The following PTPRZ1 variants were observed in gnomAD, a reference collection of about 807,000 sequenced individuals.
The protein encoded by PTPRZ1 is receptor-type tyrosine-protein phosphatase zeta.
In PTPRZ1, 82 loss-of-function variants were observed where a neutral mutation model predicts 214.1. That is an observed-to-expected ratio of 0.38 (90% CI 0.32 to 0.46). The LOEUF (loss-of-function observed/expected upper bound fraction) is 0.46. PTPRZ1 is among the 20% of genes least tolerant of loss of function. The pLI is 1.00. For missense variants in PTPRZ1, 2,603 were observed against 2,748.7 expected, an observed-to-expected ratio of 0.95 and a Z score of 1.19; for synonymous variants, 945 against 987.9, an observed-to-expected ratio of 0.96 and a Z score of 0.81.
At chr7:121,914,626 T>A (rs1055800113) in intron 1 of PTPRZ1, among the ~76,000 whole-genome samples, 9 of 152,176 alleles carry the variant, frequency 5.9e-5, no homozygotes, top group African/African-American at 1.9e-4. Flanking sequence ...AAATCATAAA[T>A]CATCTATTAA....
At chr7:122,004,321 G>A (rs538711579) in intron 10 of PTPRZ1, among the ~76,000 whole-genome samples, 10 of 152,054 alleles carry the variant, frequency 6.6e-5, no homozygotes, top group African/African-American at 2.2e-4. Context: ...CCTCCTCTCC[G>A]TTCTTAGCTT....
intron 1 of PTPRZ1, among the ~76,000 whole-genome samples, chr7:121,880,783 G>T (rs1269424308): frequency 6.6e-6 from 1 of 151,938 alleles, no homozygotes; most frequent in African/African-American, 2.4e-5. Flanking sequence ...TTACCCACTT[G>T]CATTCTGACA....
At chr7:122,002,563 A>G (rs1798363167) in intron 10 of PTPRZ1, among the ~76,000 whole-genome samples, 1 of 152,220 alleles carries the variant, frequency 6.6e-6, no homozygotes, top group African/African-American at 2.4e-5. Flanking sequence ...GTAAAATGAT[A>G]AAAATAAGTC....
chr7:122,044,057 G>A (rs1430245852), intron 22 of PTPRZ1, among the ~76,000 whole-genome samples: 1 of 152,178 alleles, frequency 6.6e-6, no homozygotes, highest in Non-Finnish European at 1.5e-5. Context: ...TTGCCAGAAG[G>A]GGTAGGCCCA....
At position 121,979,750 on chromosome 7, in the gene PTPRZ1, G is replaced by A. The variant is rs564634872; in HGVS notation, c.619+2899G>A. 5.3e-5 allele frequency among the ~76,000 whole-genome samples: 8 copies of A among 152,304 alleles called. No individual in the cohort carries two copies. The East Asian group carries it at 1.5e-3, about 29-fold the overall frequency. ...CCCCAAATAGAGCAGCACTGGCTCT[G>A]CTGTGCTTCTCTCTTGTGTTAACAA... On this transcript the variant is annotated intron_variant, in intron 6 of 29. Coordinates refer to ENST00000393386, the MANE Select transcript of PTPRZ1 (RefSeq NM_002851.3).
intron 6 of PTPRZ1, among the ~76,000 whole-genome samples, chr7:121,981,140 C>CAA (rs34208259): frequency 0.015 from 1,963 of 129,782 alleles, 20 homozygotes; most frequent in Middle Eastern, 0.044. Flanking sequence ...GACTCCGTCT[C>CAA]AAAAAAAAAA....
rs201059235 is a variant in PTPRZ1, at chr7:122,012,462, C to G, written c.3416C>G (p.Ser1139Trp). 1.2e-6 allele frequency: 2 copies of G among 1,613,398 alleles called. No individual in the cohort carries two copies. Among genetic ancestry groups the G allele is most frequent in the African/African-American group, 1.3e-5 (1 of 74,892 alleles). Residue 1139 changes from serine (S) to tryptophan (W), a missense_variant, in exon 12 of 30, where the codon TCG (serine) becomes TGG (tryptophan). Physicochemically the swap from Ser to Trp is radical, Grantham distance 177. Transcript: ENST00000393386. ...GTCTCTCAAGCATCTGGTGACACTTCGCTTAAACCTGTGCTTAGTGCAAAC... is the reference window on the plus strand; with the variant it reads ...GTCTCTCAAGCATCTGGTGACACTTGGCTTAAACCTGTGCTTAGTGCAAAC... ...HTVSQASGDT[S>W]LKPVLSANSE...
rs373952842 is a variant in PTPRZ1, at chr7:121,998,943, C to T, written c.1240+937C>T. ...CCTATGGCAGGAAAACTGATGTGCA[C>T]GGTTTGCATTGTTGTCTAAATGCTG... On this transcript the variant is annotated intron_variant, in intron 10 of 29. Coordinates refer to ENST00000393386, the MANE Select transcript of PTPRZ1 (RefSeq NM_002851.3). Among the ~76,000 whole-genome samples, 8 of 152,180 alleles carry T rather than the reference C, an allele frequency of 5.3e-5. No individual in the cohort carries two copies. The East Asian group carries it at 5.8e-4, about 11-fold the overall frequency.
chr7:122,000,195 A>C (rs1798275327), intron 10 of PTPRZ1, among the ~76,000 whole-genome samples: 1 of 152,184 alleles, frequency 6.6e-6, no homozygotes, highest in South Asian at 2.1e-4. Context: ...TTTATAAAGA[A>C]AAGATTGGTT....
rs535163910 is a variant in PTPRZ1, at chr7:121,976,328, G to A, written c.552+60G>A. ...TTTTTAAGTCACATTAAATATTGAC[G>A]TGAAATATCAAGACATAGTTTCTAA... On this transcript the variant is annotated intron_variant, in intron 5 of 29. Coordinates refer to ENST00000393386, the MANE Select transcript of PTPRZ1 (RefSeq NM_002851.3). 94 of 1,041,910 alleles carry A rather than the reference G, an allele frequency of 9.0e-5. No individual in the cohort carries two copies. In the African/African-American group the frequency reaches 1.1e-3, roughly 12 times the overall value. The allele number at this position is 1,041,910 out of a possible 1,614,324, so 64.5% of individuals were successfully genotyped here. A position where few individuals can be genotyped will look rare whatever the true frequency, so the allele number is the denominator to read the frequency against.
chr7:122,059,756 T>C lies in PTPRZ1; in HGVS notation c.6675T>C (p.His2225=), dbSNP rs2150497284. The part of the protein sequence containing the change: ...RDGPMIVHDE[H]GGVTAGTFCA... ...TTTTCTTTTTTTTTTTTACAAGGCA[T>C]GGAGGAGTGACGGCAGGAACTTTCT... Residue 2225 remains histidine, a synonymous_variant, in exon 29 of 30, where the codon CAT becomes CAC. Transcript: ENST00000393386. 6.2e-7 allele frequency: 1 copy of C among 1,608,270 alleles called. No homozygotes were observed. Among genetic ancestry groups the C allele is most frequent in the Non-Finnish European group, 8.5e-7 (1 of 1,178,096 alleles).
chr7:122,060,028 C>T, intron 29 of PTPRZ1, 140 bp downstream of exon 29: 1 of 828,512 alleles, frequency 1.2e-6, no homozygotes. Flanking sequence ...AATTACAAGT[C>T]CACAATCCAT....
chr7:121,883,693 C>T lies in PTPRZ1; in HGVS notation c.58+10136C>T, dbSNP rs915728574. 4.6e-5 allele frequency among the ~76,000 whole-genome samples: 7 copies of T among 152,312 alleles called. No individual in the cohort carries two copies. In the East Asian group the frequency reaches 1.4e-3, roughly 29 times the overall value. Reference sequence around the variant, plus strand: ...CCAGGCTGGAGTGCAATGGTGCGATCTTGGCTCACTGCAACCTCCACCTCC... The same window carrying T: ...CCAGGCTGGAGTGCAATGGTGCGATTTTGGCTCACTGCAACCTCCACCTCC... On this transcript the variant is annotated intron_variant, in intron 1 of 29. Coordinates refer to ENST00000393386, the MANE Select transcript of PTPRZ1 (RefSeq NM_002851.3).
At chr7:122,060,762 G>C (rs1317705118) in intron 29 of PTPRZ1, among the ~76,000 whole-genome samples, 1 of 152,182 alleles carries the variant, frequency 6.6e-6, no homozygotes. Context: ...CAGATGTCCA[G>C]TGCCAAACGG....
At chr7:122,034,241 A>C (rs753902583) in intron 16 of PTPRZ1, 41 bp from the exon 17 acceptor site, 1 of 1,589,140 alleles carries the variant, frequency 6.3e-7, no homozygotes, top group Non-Finnish European at 8.6e-7. Flanking sequence ...CGTTGTTTGA[A>C]AGAATGTGTG....
chr7:121,941,890 C>T (rs115365547), intron 2 of PTPRZ1, among the ~76,000 whole-genome samples: 1,856 of 152,164 alleles, frequency 0.012, 33 homozygotes, highest in African/African-American at 0.04. Context: ...CTTAGGAAAA[C>T]GGTCATATTA....
At chr7:122,056,537 T>A (rs1792353219) in intron 27 of PTPRZ1, among the ~76,000 whole-genome samples, 1 of 151,880 alleles carries the variant, frequency 6.6e-6, no homozygotes, top group Non-Finnish European at 1.5e-5. Context: ...CATTTGAGGT[T>A]AGTAGACAAG....
At chr7:121,900,988 A>G (rs1338968193) in intron 1 of PTPRZ1, among the ~76,000 whole-genome samples, 2 of 152,192 alleles carry the variant, frequency 1.3e-5, no homozygotes, top group Admixed American at 6.6e-5. Flanking sequence ...GGGAGGTCAT[A>G]TAACTTGTTC....
intron 1 of PTPRZ1, among the ~76,000 whole-genome samples, chr7:121,915,825 ATCTTTG>A (rs144614617): frequency 0.021 from 3,222 of 152,306 alleles, 75 homozygotes; most frequent in African/African-American, 0.053. Flanking sequence ...ACATTTCAAT[ATCTTTG>A]TCTTTGTGTT....
Sources: allele counts gnomAD v4.1 joint callset (sites outside exome capture counted in the v4.1 genomes callset), GRCh38; gene constraint gnomAD v4.1.1; transcripts MANE v1.5; gene names NCBI Gene and HGNC (gene_info 2026-07-23, HGNC 2026-07-21).